Variants in RUFY3 observed in about 807,000 individuals in gnomAD.
RUFY3 encodes the protein protein RUFY3.
RUFY3 carries 34 observed loss-of-function variants against 84.0 expected under a neutral mutation model. That is an observed-to-expected ratio of 0.40 (90% CI 0.31 to 0.54). The LOEUF (loss-of-function observed/expected upper bound fraction) is 0.54. RUFY3 is among the 20% of genes least tolerant of loss of function. The pLI is 0.39. For synonymous variants in RUFY3, 242 were observed against 252.9 expected (o/e 0.96, Z 0.41); for missense variants, 507 against 736.8 (o/e 0.69, Z 3.61).
upstream of RUFY3, chr4:70,704,093 A>G (rs549184806): frequency 3.3e-5 from 5 of 152,386 alleles, no homozygotes; most frequent in Non-Finnish European, 7.3e-5. Flanking sequence ...TGTGAAAGAG[A>G]AAACTGTCGA....
intron 1 of RUFY3, among the ~76,000 whole-genome samples, chr4:70,707,546 G>A (rs891638000): frequency 2.0e-5 from 3 of 151,962 alleles, no homozygotes; most frequent in Admixed American, 6.6e-5. Context: ...GTGCCCAGGC[G>A]GTATGGTGTT....
chr4:70,788,872 C>A lies in RUFY3; in HGVS notation c.1138C>A (p.Leu380Met). Reference sequence around the variant, plus strand: ...GGAGATGGAATTGGCTATGAAGATGCTGGAGAAGGATGTCTGTGAGAAGCA... The same window carrying A: ...GGAGATGGAATTGGCTATGAAGATGATGGAGAAGGATGTCTGTGAGAAGCA... ...RQEMELAMKM[L>M]EKDVCEKQDA... The change falls in exon 11 of 18, where the codon CTG becomes ATG. Residue 380 changes from leucine (L) to methionine (M), a missense_variant. Transcript: ENST00000381006. 1.9e-6 allele frequency: 3 copies of A among 1,614,110 alleles called. No homozygotes were observed. The highest frequency in any genetic ancestry group is 2.5e-6 in the Non-Finnish European group (3 of 1,180,018).
intron 1 of RUFY3, among the ~76,000 whole-genome samples, chr4:70,715,821 A>G (rs936646814): frequency 6.6e-6 from 1 of 152,072 alleles, no homozygotes; most frequent in Non-Finnish European, 1.5e-5. Context: ...CAACATGAAA[A>G]TGAATCAGAA....
chr4:70,736,190 A>G (rs1720265232), intron 1 of RUFY3, among the ~76,000 whole-genome samples: 1 of 151,978 alleles, frequency 6.6e-6, no homozygotes, highest in Non-Finnish European at 1.5e-5. Context: ...GGAAAGAAAG[A>G]AATGTCTTTA....
At chr4:70,800,085 A>C (rs913055983) in intron 14 of RUFY3, 56 bp from the exon 15 acceptor site, 1 of 1,521,720 alleles carries the variant, frequency 6.6e-7, no homozygotes, top group Non-Finnish European at 9.0e-7. Flanking sequence ...AATATTTGCA[A>C]TATCATTATT....
chr4:70,740,684 G>T (rs932679198), intron 1 of RUFY3, among the ~76,000 whole-genome samples: 7 of 152,058 alleles, frequency 4.6e-5, no homozygotes, highest in African/African-American at 1.7e-4. Context: ...ACATTATATT[G>T]TCAAAGGATT....
At chr4:70,773,271 T>G (rs1354328175) in intron 5 of RUFY3, among the ~76,000 whole-genome samples, 1 of 152,216 alleles carries the variant, frequency 6.6e-6, no homozygotes, top group African/African-American at 2.4e-5. Flanking sequence ...TATTAAGTAT[T>G]CTGTTGACTG....
chr4:70,778,686 G>A (rs1728390276), intron 8 of RUFY3, among the ~76,000 whole-genome samples: 1 of 148,206 alleles, frequency 6.7e-6, no homozygotes, highest in Admixed American at 7.0e-5. Context: ...TTCAAGCGAT[G>A]CTCCTGCCTC....
At chr4:70,778,175 A>T (rs1015604356) in intron 7 of RUFY3, among the ~76,000 whole-genome samples, 194 bp from the exon 8 acceptor site, 2 of 152,168 alleles carry the variant, frequency 1.3e-5, no homozygotes, top group African/African-American at 4.8e-5. Flanking sequence ...CAGAGGTTGC[A>T]GGGAGCCGAG....
intron 1 of RUFY3, among the ~76,000 whole-genome samples, chr4:70,735,390 A>G (rs554456391): frequency 1.3e-5 from 2 of 152,370 alleles, no homozygotes; most frequent in East Asian, 3.9e-4. Flanking sequence ...GAGCTTTTCC[A>G]GAGAACAAAT....
At chr4:70,749,549 G>A (rs1256860146) in intron 1 of RUFY3, among the ~76,000 whole-genome samples, 2 of 150,236 alleles carry the variant, frequency 1.3e-5, no homozygotes, top group East Asian at 1.9e-4. Context: ...GGTTATATAC[G>A]GAGGTAGAAG....
chr4:70,712,563 T>C (rs962417887), intron 1 of RUFY3, among the ~76,000 whole-genome samples: 9 of 152,240 alleles, frequency 5.9e-5, no homozygotes, highest in Non-Finnish European at 1.3e-4. Context: ...TTCCCTTTTT[T>C]AAAATTTTTC....
intron 1 of RUFY3, among the ~76,000 whole-genome samples, chr4:70,750,827 A>G (rs979509803): frequency 1.3e-5 from 2 of 152,152 alleles, no homozygotes; most frequent in Admixed American, 6.5e-5. Context: ...ATTTTATATA[A>G]ACAAAAATAA....
Position 70,785,182 on chromosome 4 carries a change from C to T in RUFY3, c.1071+303C>T, listed in dbSNP as rs112924919. Among the ~76,000 whole-genome samples the T allele has an allele frequency of 5.7e-3, 864 of 152,178 alleles. 14 individuals carry two copies. Among genetic ancestry groups the T allele is most frequent in the African/African-American group, 0.02 (838 of 41,536 alleles). ...TATGCCGTCTCACTCCTACCTAAGT[C>T]CTCATCCCTGCAAAGATTCTTGGAG... On this transcript the variant is annotated intron_variant, in intron 10 of 17. Coordinates refer to ENST00000381006, the MANE Select transcript of RUFY3 (RefSeq NM_001037442.4).
intron 1 of RUFY3, among the ~76,000 whole-genome samples, chr4:70,711,037 C>T (rs977494633): frequency 4.3e-5 from 6 of 140,122 alleles, no homozygotes; most frequent in Non-Finnish European, 7.5e-5. Context: ...ACACTCCAGC[C>T]TGGGCCACAG....
chr4:70,715,071 C>T (rs953332672), intron 1 of RUFY3, among the ~76,000 whole-genome samples: 1 of 152,068 alleles, frequency 6.6e-6, no homozygotes, highest in Non-Finnish European at 1.5e-5. Flanking sequence ...TGGTTAATAT[C>T]TATAAAGTGA....
At chr4:70,777,461 G>A (rs1249720997) in intron 7 of RUFY3, among the ~76,000 whole-genome samples, 2 of 152,090 alleles carry the variant, frequency 1.3e-5, no homozygotes, top group East Asian at 1.9e-4. Context: ...TTTAATTTAA[G>A]TAAAACTTAT....
exon 1 of RUFY3, chr4:70,704,859 G>A: frequency 1.0e-6 from 1 of 968,048 alleles, no homozygotes. Flanking sequence ...ACGGGGCGGC[G>A]GCTCCTCGCC....
In RUFY3 at chr4:70,791,505, G is replaced by A. The variant is rs1484520634; in HGVS notation, c.1337+1913G>A. On this transcript the variant is annotated intron_variant, in intron 12 of 17. Coordinates refer to ENST00000381006, the MANE Select transcript of RUFY3 (RefSeq NM_001037442.4). ...TTTCTCCCCAGGGTTAGAAAAATTG[G>A]TATAAGTTCCTAATTAAAAGCTGAA... 8 of 1,369,892 alleles carry A rather than the reference G, an allele frequency of 5.8e-6. No homozygotes were observed. The East Asian group carries it at 1.4e-4, about 24-fold the overall frequency. 84.9% of individuals were successfully genotyped at this position (1,369,892 alleles called of 1,614,324 possible).
Sources: gnomAD v4.1 joint callset for allele counts (sites outside exome capture counted in the v4.1 genomes callset) on GRCh38, gnomAD v4.1.1 for gene constraint, MANE v1.5 for transcripts, NCBI Gene and HGNC (gene_info 2026-07-23, HGNC 2026-07-21) for gene names.